SEMA6D: variants seen among roughly 807,000 people sequenced by gnomAD.
SEMA6D encodes semaphorin 6D.
SEMA6D carries 35 observed loss-of-function variants against 106.6 expected under a neutral mutation model. The ratio of observed to expected loss-of-function variants is 0.33; its 90% CI spans 0.25 to 0.44. The LOEUF is 0.44. Among genes scored for constraint, SEMA6D ranks in the 20% least tolerant of loss-of-function variants. The pLI, the probability that SEMA6D is intolerant of heterozygous loss-of-function variation, is 1.00. For synonymous variants in SEMA6D, 499 were observed against 487.7 expected (o/e 1.02, Z -0.31); for missense variants, 1,185 against 1,345.9 (o/e 0.88, Z 1.87).
intron 3 of SEMA6D, among the ~76,000 whole-genome samples, chr15:47,570,646 A>G (rs2046356620): frequency 6.6e-6 from 1 of 152,190 alleles, no homozygotes; most frequent in Non-Finnish European, 1.5e-5. Flanking sequence ...GCACCCCAGC[A>G]GGCCCGGCGC....
intron 3 of SEMA6D, among the ~76,000 whole-genome samples, chr15:47,534,578 A>G (rs186004151): frequency 6.6e-6 from 1 of 152,316 alleles, no homozygotes; most frequent in East Asian, 1.9e-4. Context: ...ACATTAATAC[A>G]TTTATATTAA....
chr15:47,733,722 C>T (rs957446593), intron 1 of SEMA6D, among the ~76,000 whole-genome samples: 6 of 152,154 alleles, frequency 3.9e-5, no homozygotes, highest in African/African-American at 9.7e-5. Context: ...ACTAGGTCTT[C>T]AGGAGGACAT....
chr15:47,388,962 A>G (rs775743517), intron 1 of SEMA6D, among the ~76,000 whole-genome samples: 1 of 152,226 alleles, frequency 6.6e-6, no homozygotes, highest in Non-Finnish European at 1.5e-5. Context: ...AAAACTCATC[A>G]GATACAAATC....
chr15:47,185,034 C>T (rs1208613252), intron 1 of SEMA6D, among the ~76,000 whole-genome samples: 1 of 152,104 alleles, frequency 6.6e-6, no homozygotes. Flanking sequence ...GCCCCGAAGC[C>T]CGGAGCGTCC....
chr15:47,328,700 T>C (rs1489914809), intron 1 of SEMA6D, among the ~76,000 whole-genome samples: 1 of 152,064 alleles, frequency 6.6e-6, no homozygotes, highest in Non-Finnish European at 1.5e-5. Context: ...CACAATAAGC[T>C]CTAGTGAACC....
At chr15:47,565,470 A>G (rs902192797) in intron 3 of SEMA6D, among the ~76,000 whole-genome samples, 2 of 152,222 alleles carry the variant, frequency 1.3e-5, no homozygotes, top group Non-Finnish European at 2.9e-5. Flanking sequence ...AGGCTGAGTA[A>G]ATGGGGCACC....
At chr15:47,433,221 A>G (rs985297115) in intron 2 of SEMA6D, among the ~76,000 whole-genome samples, 5 of 152,074 alleles carry the variant, frequency 3.3e-5, no homozygotes, top group African/African-American at 9.7e-5. Flanking sequence ...AGCTCTTTCC[A>G]TAGACAACGC....
At chr15:47,665,416 T>C (rs1001970377) in intron 4 of SEMA6D, among the ~76,000 whole-genome samples, 12 of 152,196 alleles carry the variant, frequency 7.9e-5, no homozygotes, top group African/African-American at 2.9e-4. Context: ...CCTGTAAGCT[T>C]TTCAGGAAGC....
At chr15:47,677,184 G>C (rs2078263393) in intron 4 of SEMA6D, among the ~76,000 whole-genome samples, 1 of 152,112 alleles carries the variant, frequency 6.6e-6, no homozygotes, top group South Asian at 2.1e-4. Context: ...CTGCGACCTG[G>C]AGGTTGGGGA....
rs1015111309 is a variant in SEMA6D, at chr15:47,467,828, A to G, written c.-158-2646A>G. ...GCCATTTAGTAAATGTGCCTGCTCCATTAGGAAGCAGAAAGAAGACCAGTT... is the reference window on the plus strand; with the variant it reads ...GCCATTTAGTAAATGTGCCTGCTCCGTTAGGAAGCAGAAAGAAGACCAGTT... On this transcript the variant is annotated intron_variant, in intron 2 of 19. Transcript: ENST00000558014. Among the ~76,000 whole-genome samples the G allele has an allele frequency of 4.6e-5, 7 of 152,308 alleles. No homozygotes were observed. The South Asian group carries it at 6.2e-4, about 14-fold the overall frequency.
At chr15:47,357,560 G>A (rs746874465) in intron 1 of SEMA6D, among the ~76,000 whole-genome samples, 7 of 152,104 alleles carry the variant, frequency 4.6e-5, no homozygotes, top group Non-Finnish European at 7.4e-5. Flanking sequence ...TCTGATGTTC[G>A]AGGGCAGGAA....
intron 1 of SEMA6D, among the ~76,000 whole-genome samples, chr15:47,260,279 A>G (rs2034008043): frequency 6.6e-6 from 1 of 151,926 alleles, no homozygotes; most frequent in African/African-American, 2.4e-5. Context: ...CATCATGGAC[A>G]TTTTGTCTAT....
intron 1 of SEMA6D, among the ~76,000 whole-genome samples, chr15:47,390,025 GTCTC>G (rs964811008): frequency 1.2e-4 from 18 of 152,052 alleles, no homozygotes; most frequent in African/African-American, 4.3e-4. Context: ...TTTATATACT[GTCTC>G]TCTTAGTTAT....
chr15:47,746,833 G>T (rs957504843), intron 1 of SEMA6D, among the ~76,000 whole-genome samples: 1 of 152,070 alleles, frequency 6.6e-6, no homozygotes, highest in Non-Finnish European at 1.5e-5. Flanking sequence ...GCCCAGTCTG[G>T]CTGGGATATG....
chr15:47,576,643 TA>T (rs558504955), intron 3 of SEMA6D, among the ~76,000 whole-genome samples: 94 of 152,296 alleles, frequency 6.2e-4, no homozygotes, highest in African/African-American at 2.2e-3. Flanking sequence ...AGAGAACTAT[TA>T]AGGCCTCTTA....
At chr15:47,662,855 G>GCA (rs1566969200) in intron 4 of SEMA6D, among the ~76,000 whole-genome samples, 1 of 104,692 alleles carries the variant, frequency 9.6e-6, no homozygotes, top group African/African-American at 3.9e-5. Context: ...GCGTGTATGA[G>GCA]CGCACACACA....
rs144336540 is a variant in SEMA6D at position 47,723,402 on chromosome 15, G to A, written c.-55+5710G>A. Among the ~76,000 whole-genome samples, 106 of 152,226 alleles carry A rather than the reference G, an allele frequency of 7.0e-4. 1 individual carries two copies. The highest frequency in any genetic ancestry group is 2.3e-3 in the African/African-American group (96 of 41,528). ...ACTCTCCACCAAAAAGTGCTTCTGC[G>A]TCCGGGTGTGATTGACATTCATTTC... is the stretch of plus-strand genomic sequence containing the variant. On this transcript the variant is annotated intron_variant, in intron 1 of 18. Transcript: ENST00000536845.
chr15:47,306,356 T>C (rs1016406686), intron 1 of SEMA6D, among the ~76,000 whole-genome samples: 1 of 152,204 alleles, frequency 6.6e-6, no homozygotes, highest in Non-Finnish European at 1.5e-5. Context: ...TCCTCTTTTA[T>C]AATGTTTTAA....
chr15:47,238,617 T>C (rs2032707499), intron 1 of SEMA6D, among the ~76,000 whole-genome samples: 1 of 152,090 alleles, frequency 6.6e-6, no homozygotes, highest in African/African-American at 2.4e-5. Context: ...ATAGTTGAAA[T>C]TCAATACGTG....
Sources: allele counts gnomAD v4.1 joint callset (sites outside exome capture counted in the v4.1 genomes callset), GRCh38; gene constraint gnomAD v4.1.1; transcripts MANE v1.5; gene names NCBI Gene and HGNC (gene_info 2026-07-23, HGNC 2026-07-21).